Variants in LOXL4 observed in about 807,000 individuals in gnomAD.
LOXL4 encodes lysyl oxidase like 4.
In LOXL4, 72 loss-of-function variants were observed where a neutral mutation model predicts 89.1. The observed-to-expected ratio is 0.81, with a 90% CI of 0.67 to 0.98. The LOEUF is 0.98. Among genes scored for constraint, LOXL4 ranks in the 50% least tolerant of loss-of-function variants. LOXL4 has a pLI of 0.00. For missense variants in LOXL4, 984 were observed against 1,017.5 expected, an observed-to-expected ratio of 0.97 and a Z score of 0.45; for synonymous variants, 355 against 392.1, an observed-to-expected ratio of 0.91 and a Z score of 1.12.
At chr10:98,257,509 A>G in intron 8 of LOXL4, 141 bp downstream of exon 8, 2 of 1,034,554 alleles carry the variant, frequency 1.9e-6, no homozygotes, top group Non-Finnish European at 2.8e-6. Context: ...GGTCGGCTCT[A>G]AGGGAAGGCA....
chr10:98,250,338 A>G (rs536471180), intron 14 of LOXL4, among the ~76,000 whole-genome samples: 1 of 152,292 alleles, frequency 6.6e-6, no homozygotes, highest in South Asian at 2.1e-4. Flanking sequence ...GGCTATTTGC[A>G]TGTGTGCATA....
In LOXL4 at chr10:98,258,993, G is replaced by C. The variant is rs729312; in HGVS notation, c.921+16C>G. On this transcript the variant is annotated intron_variant, in intron 6 of 14. Transcript: ENST00000260702. ...CCTCCAAGCTGTGGTGTGAGTGCAG[G>C]ATGCCCAGGGCTCACCTCTGCCCAG... 1 of 1,513,802 alleles carries C rather than the reference G, an allele frequency of 6.6e-7. No individual in the cohort carries two copies. The highest frequency in any genetic ancestry group is 8.9e-7 in the Non-Finnish European group (1 of 1,122,630). 93.8% of individuals were successfully genotyped at this position (1,513,802 alleles called of 1,614,324 possible).
chr10:98,251,201 A>G, intron 13 of LOXL4, 25 bp from the exon 14 acceptor site: 2 of 1,535,680 alleles, frequency 1.3e-6, no homozygotes, highest in Non-Finnish European at 1.8e-6. Context: ...GGGACAACTG[A>G]AAATGGGTGA....
At chr10:98,251,420 T>C in intron 13 of LOXL4, 146 bp downstream of exon 13, 1 of 1,138,486 alleles carries the variant, frequency 8.8e-7, no homozygotes, top group Non-Finnish European at 1.2e-6. Flanking sequence ...AGCTTGACTG[T>C]TACTTCCCTA....
At chr10:98,267,380 G>C (rs1445737028) in intron 1 of LOXL4, among the ~76,000 whole-genome samples, 1 of 152,204 alleles carries the variant, frequency 6.6e-6, no homozygotes, top group Non-Finnish European at 1.5e-5. Context: ...CCTGCTCCAG[G>C]TGTGCCAGGA....
rs777371844 is a variant in LOXL4 at position 98,255,642 on chromosome 10, C to T, written c.1526G>A (p.Arg509Lys). 6.2e-7 allele frequency: 1 copy of T among 1,613,618 alleles called. No individual in the cohort carries two copies. Among genetic ancestry groups the T allele is most frequent in the South Asian group, 1.1e-5 (1 of 91,068 alleles). The change falls in exon 10 of 15, where the codon AGG becomes AAG. Residue 509 changes from arginine (R) to lysine (K), a missense_variant. Arg to Lys is a conservative substitution (Grantham distance 26). Transcript: ENST00000260702. ...GTELALQQCQRHGPVHCSHGG... is the reference protein window; with the variant it reads ...GTELALQQCQKHGPVHCSHGG... ...GTGGGAGCAGTGCACCGGCCCGTGC[C>T]TCTGGCACTGCTGCAGGGCCAGCTC...
intron 2 of LOXL4, 143 bp from the exon 3 acceptor site, chr10:98,262,356 G>T: frequency 1.2e-6 from 1 of 804,952 alleles, no homozygotes; most frequent in Non-Finnish European, 2.0e-6. Context: ...TGGGTCTCCT[G>T]GGGAATAAGT....
intron 8 of LOXL4, 38 bp downstream of exon 8, chr10:98,257,612 G>A (rs201203755): frequency 9.4e-6 from 15 of 1,596,148 alleles, no homozygotes; most frequent in African/African-American, 5.4e-5. Flanking sequence ...AGGGTTTCCC[G>A]GCCCCCAGCC....
In LOXL4 at chr10:98,253,674, T is replaced by C; in HGVS notation, c.1714A>G (p.Met572Val). ...CGGCGGTATCCGTAGGGCCAGTCCATGTGATCCGCAGACTTGGAGAGGCAG... is the reference window on the plus strand; with the variant it reads ...CGGCGGTATCCGTAGGGCCAGTCCACGTGATCCGCAGACTTGGAGAGGCAG... ...ENCLSKSADH[M>V]DWPYGYRRLL... Residue 572 changes from methionine (M) to valine (V), a missense_variant, in exon 11 of 15, where the codon ATG becomes GTG. By Grantham distance (21) the Met-to-Val change is conservative (BLOSUM62 1). Transcript: ENST00000260702. 1 of 1,614,254 alleles carries C rather than the reference T, an allele frequency of 6.2e-7. No individual in the cohort carries two copies. The highest frequency in any genetic ancestry group is 1.1e-5 in the South Asian group (1 of 91,086).
intron 9 of LOXL4, 126 bp from the exon 10 acceptor site, chr10:98,255,865 C>T: frequency 1.7e-6 from 2 of 1,161,590 alleles, no homozygotes; most frequent in Non-Finnish European, 2.4e-6. Context: ...TGAAAATCTT[C>T]AGTGATGAGA....
At chr10:98,252,912 C>T (rs932555293) in intron 11 of LOXL4, among the ~76,000 whole-genome samples, 5 of 152,348 alleles carry the variant, frequency 3.3e-5, no homozygotes, top group Non-Finnish European at 7.4e-5. Context: ...GGGAAAGGTG[C>T]TTATTATCTC....
At chr10:98,252,047 A>G (rs1333803962) in intron 12 of LOXL4, 11 of 480,736 alleles carry the variant, frequency 2.3e-5, no homozygotes, top group Non-Finnish European at 3.7e-5. Context: ...GGGTGTGCAG[A>G]CAGGAAGCAG....
intron 2 of LOXL4, 83 bp from the exon 3 acceptor site, chr10:98,262,296 C>A (rs982967894): frequency 7.0e-7 from 1 of 1,423,496 alleles, no homozygotes; most frequent in South Asian, 1.2e-5. Flanking sequence ...CCACACTTAC[C>A]AAGTCACCTC....
At position 98,262,155 on chromosome 10, in the gene LOXL4, G is replaced by A. The variant is rs776968307; in HGVS notation, c.336C>T (p.Cys112=). The change falls in exon 3 of 15, where the codon TGC becomes TGT. Residue 112 remains cysteine, a synonymous_variant. Coordinates refer to ENST00000260702, the MANE Select transcript of LOXL4 (RefSeq NM_032211.7). The part of the protein sequence containing the change: ...CVGTESSLDQ[C]GSNGWGVSDC... Reference sequence around the variant, plus strand: ...CACTGACTCCCCAGCCATTAGACCCGCACTGGTCCAAGGAGCTCTCTGTGC... The same window carrying A: ...CACTGACTCCCCAGCCATTAGACCCACACTGGTCCAAGGAGCTCTCTGTGC... 8.7e-6 allele frequency: 14 copies of A among 1,613,644 alleles called. No homozygotes were observed. The highest frequency in any genetic ancestry group is 3.3e-5 in the South Asian group (3 of 91,068).
At chr10:98,263,156 T>G in intron 1 of LOXL4, 105 bp from the exon 2 acceptor site, 2 of 738,688 alleles carry the variant, frequency 2.7e-6, no homozygotes, top group Non-Finnish European at 4.0e-6. Flanking sequence ...AAAACCCCCC[T>G]CAAATGTGTG....
In LOXL4 at chr10:98,248,838, G is replaced by T; in HGVS notation, c.*83C>A. 2 of 1,311,142 alleles carry T rather than the reference G, an allele frequency of 1.5e-6. No individual in the cohort carries two copies. The highest frequency in any genetic ancestry group is 2.2e-6 in the Non-Finnish European group (2 of 923,634). The allele number at this position is 1,311,142 out of a possible 1,614,324, so 81.2% of individuals were successfully genotyped here. Reference sequence around the variant, plus strand: ...CTTGGCACTGGCCCTTTTCCTCTGAGTTGGGACTCTGTGAAGGGCATGGCT... The same window carrying T: ...CTTGGCACTGGCCCTTTTCCTCTGATTTGGGACTCTGTGAAGGGCATGGCT... On this transcript the variant is annotated 3_prime_UTR_variant, in exon 15 of 15. Transcript: ENST00000260702.
chr10:98,250,334 T>C (rs935445368), intron 14 of LOXL4, among the ~76,000 whole-genome samples: 1 of 152,240 alleles, frequency 6.6e-6, no homozygotes, highest in Non-Finnish European at 1.5e-5. Context: ...TTGGGGCTAT[T>C]TGCATGTGTG....
At chr10:98,263,123 G>A in intron 1 of LOXL4, 72 bp from the exon 2 acceptor site, 1 of 1,312,264 alleles carries the variant, frequency 7.6e-7, no homozygotes, top group Admixed American at 2.3e-5. Flanking sequence ...CAATTTGGCA[G>A]CTCCTGGCAA....
chr10:98,251,941 C>T (rs1858204260), intron 12 of LOXL4: 2 of 553,588 alleles, frequency 3.6e-6, no homozygotes, highest in African/African-American at 1.9e-5. Flanking sequence ...GATTCCAACG[C>T]TCCCGTGCTA....
Sources: gnomAD v4.1 joint callset for allele counts (sites outside exome capture counted in the v4.1 genomes callset) on GRCh38, gnomAD v4.1.1 for gene constraint, MANE v1.5 for transcripts, NCBI Gene and HGNC (gene_info 2026-07-23, HGNC 2026-07-21) for gene names.